CCDC150: variants seen among roughly 807,000 people sequenced by gnomAD.
CCDC150 encodes coiled-coil domain containing 150, also known as coiled-coil domain-containing protein 150.
In CCDC150, 151 loss-of-function variants were observed where a neutral mutation model predicts 156.5. The observed-to-expected ratio is 0.97, with a 90% CI of 0.85 to 1.10. The LOEUF is 1.10. Among genes scored for constraint, CCDC150 ranks in the 50% least tolerant of loss-of-function variants. CCDC150 has a pLI of 0.00. For missense variants in CCDC150, 1,312 were observed against 1,268.1 expected (o/e 1.03, Z -0.53); for synonymous variants, 452 against 429.4 (o/e 1.05, Z -0.65).
chr2:196,656,743 A>G lies in CCDC150; in HGVS notation c.287A>G (p.Asn96Ser). The change falls in exon 3 of 28, where the codon AAC (asparagine) becomes AGC (serine). Residue 96 changes from asparagine (N) to serine (S), a missense_variant. Coordinates refer to ENST00000389175, the MANE Select transcript of CCDC150 (RefSeq NM_001080539.2). ...CAGKTDILWKNCEFLVNRMCR... is the reference protein window; with the variant it reads ...CAGKTDILWKSCEFLVNRMCR... ...GGAAAAACAGATATTTTATGGAAGA[A>G]CTGTGAGTTTCTGGTAAATCGAATG... 2 of 1,613,526 alleles carry G rather than the reference A, an allele frequency of 1.2e-6. No homozygotes were observed. The highest frequency in any genetic ancestry group is 8.5e-7 in the Non-Finnish European group (1 of 1,179,496).
chr2:196,732,396 C>T (rs1352259582), intron 27 of CCDC150, 50 bp from the exon 28 acceptor site: 1 of 1,364,048 alleles, frequency 7.3e-7, no homozygotes, highest in South Asian at 1.2e-5. Context: ...GTGCAGATTG[C>T]TGCAGTTAGC....
intron 2 of CCDC150, among the ~76,000 whole-genome samples, chr2:196,650,090 C>T (rs572707020): frequency 6.6e-6 from 1 of 152,304 alleles, no homozygotes; most frequent in East Asian, 1.9e-4. Context: ...CAGAAGCTTT[C>T]AGCTTCTCAC....
Position 196,667,952 on chromosome 2 carries a change from T to C in CCDC150, c.892+1104T>C, listed in dbSNP as rs556990809. ...TTATGGTGCTGCCACATTGTCTCAT[T>C]TGAGCACTGCAACAACCTGTCAGAA... On this transcript the variant is annotated intron_variant, in intron 7 of 27. Coordinates refer to ENST00000389175, the MANE Select transcript of CCDC150 (RefSeq NM_001080539.2). The C allele has an allele frequency of 3.9e-5, 6 of 152,252 alleles. No homozygotes were observed. In the South Asian group the frequency reaches 1.2e-3, roughly 32 times the overall value. The allele number at this position is 152,252 out of a possible 1,614,324, so 9.4% of individuals were successfully genotyped here. A position where few individuals can be genotyped will look rare whatever the true frequency, so the allele number is the denominator to read the frequency against.
chr2:196,654,813 G>T (rs1693094309), intron 2 of CCDC150, among the ~76,000 whole-genome samples: 1 of 152,098 alleles, frequency 6.6e-6, no homozygotes. Context: ...CGCCGTGTTG[G>T]TTTCTGTACA....
chr2:196,730,953 A>C lies in CCDC150; in HGVS notation c.3069+8A>C. On this transcript the variant is annotated splice_region_variant and intron_variant, in intron 26 of 27. Coordinates refer to ENST00000389175, the MANE Select transcript of CCDC150 (RefSeq NM_001080539.2). The stretch of plus-strand genomic sequence containing the variant: ...AGTGTGGAATCAGAACAGGTGAGCC[A>C]GACCCACGGACATAAAGACTTAGAC... The C allele has an allele frequency of 6.3e-7, 1 of 1,585,956 alleles. No homozygotes were observed. The highest frequency in any genetic ancestry group is 8.6e-7 in the Non-Finnish European group (1 of 1,165,730).
chr2:196,712,790 A>G, intron 17 of CCDC150, 51 bp downstream of exon 17: 2 of 1,334,206 alleles, frequency 1.5e-6, no homozygotes, highest in South Asian at 1.3e-5. Flanking sequence ...CTTGAAGCTA[A>G]AAACCTTTCA....
At chr2:196,706,841 T>C (rs1267989416) in intron 15 of CCDC150, among the ~76,000 whole-genome samples, 2 of 152,244 alleles carry the variant, frequency 1.3e-5, no homozygotes, top group African/African-American at 2.4e-5. Flanking sequence ...TGAACCAGTC[T>C]TGCATCCCAG....
Position 196,646,210 on chromosome 2 carries a change from G to A in CCDC150, c.13-131G>A, listed in dbSNP as rs142273672. The A allele has an allele frequency of 5.6e-4, 419 of 743,038 alleles. No homozygotes were observed. The African/African-American group carries it at 7.0e-3, about 12-fold the overall frequency. 46.0% of individuals were successfully genotyped at this position (743,038 alleles called of 1,614,324 possible). A position where few individuals can be genotyped will look rare whatever the true frequency, so the allele number is the denominator to read the frequency against. The stretch of plus-strand genomic sequence containing the variant: ...TATAACTTCCACCTACATTTAATTG[G>A]CCAAAGCAGAACACATCACCATTCC... On this transcript the variant is annotated intron_variant, in intron 1 of 27. Coordinates refer to ENST00000389175, the MANE Select transcript of CCDC150 (RefSeq NM_001080539.2).
intron 27 of CCDC150, 139 bp from the exon 28 acceptor site, chr2:196,732,307 A>G (rs1432445721): frequency 6.0e-6 from 7 of 1,165,064 alleles, no homozygotes; most frequent in Non-Finnish European, 8.6e-6. Context: ...TTTTTTTTAC[A>G]AAGTTCCACC....
intron 1 of CCDC150, 151 bp from the exon 2 acceptor site, chr2:196,646,190 C>G: frequency 1.6e-6 from 1 of 625,976 alleles, no homozygotes; most frequent in Non-Finnish European, 2.8e-6. Flanking sequence ...GCTCTTATAA[C>G]TTCCACCTAC....
chr2:196,666,115 A>G (rs1693825330), intron 6 of CCDC150, among the ~76,000 whole-genome samples: 1 of 152,234 alleles, frequency 6.6e-6, no homozygotes, highest in East Asian at 1.9e-4. Flanking sequence ...AAGCATATCA[A>G]TAAGTAAAAC....
chr2:196,725,180 C>T (rs776389441), intron 21 of CCDC150, among the ~76,000 whole-genome samples: 2 of 152,144 alleles, frequency 1.3e-5, no homozygotes, highest in African/African-American at 4.8e-5. Context: ...GATTTCATGG[C>T]AGGGCAGGCT....
At chr2:196,690,701 T>A (rs1330875983) in intron 13 of CCDC150, among the ~76,000 whole-genome samples, 1 of 152,206 alleles carries the variant, frequency 6.6e-6, no homozygotes, top group Non-Finnish European at 1.5e-5. Flanking sequence ...TTTATTTCTT[T>A]CTCTTTCCTG....
intron 5 of CCDC150, among the ~76,000 whole-genome samples, chr2:196,660,039 T>C (rs1002785654): frequency 6.6e-6 from 1 of 152,200 alleles, no homozygotes; most frequent in Non-Finnish European, 1.5e-5. Flanking sequence ...GTCTCTCTAG[T>C]CCTGTTATTG....
intron 15 of CCDC150, 129 bp from the exon 16 acceptor site, chr2:196,712,015 AT>A (rs200886098): frequency 0.15 from 40,398 of 267,836 alleles, 12 homozygotes; most frequent in East Asian, 0.22. Context: ...ATTCTCTGTA[AT>A]TTTTTTTTTT....
chr2:196,654,515 A>G (rs1431663273), intron 2 of CCDC150, among the ~76,000 whole-genome samples: 1 of 151,516 alleles, frequency 6.6e-6, no homozygotes, highest in Admixed American at 6.6e-5. Flanking sequence ...CTTCCACTTC[A>G]TATAGTCTGC....
At chr2:196,658,914 C>A in intron 5 of CCDC150, 54 bp downstream of exon 5, 2 of 1,219,728 alleles carry the variant, frequency 1.6e-6, no homozygotes, top group Non-Finnish European at 2.3e-6. Flanking sequence ...GAGGGGAAAT[C>A]AAGAAAGCAG....
At chr2:196,705,251 T>C (rs1298547727) in intron 15 of CCDC150, among the ~76,000 whole-genome samples, 1 of 152,232 alleles carries the variant, frequency 6.6e-6, no homozygotes, top group Non-Finnish European at 1.5e-5. Context: ...CCCTTCTAAC[T>C]GGTGTGAGAT....
At chr2:196,704,695 T>G (rs1696479242) in intron 15 of CCDC150, among the ~76,000 whole-genome samples, 1 of 152,094 alleles carries the variant, frequency 6.6e-6, no homozygotes, top group Admixed American at 6.6e-5. Context: ...TGCTATCCCT[T>G]CCGCTGCTCC....
Sources: gnomAD v4.1 joint callset for allele counts (sites outside exome capture counted in the v4.1 genomes callset) on GRCh38, gnomAD v4.1.1 for gene constraint, MANE v1.5 for transcripts, NCBI Gene and HGNC (gene_info 2026-07-23, HGNC 2026-07-21) for gene names.